The following TMEM164 variants were observed in gnomAD, a reference collection of about 807,000 sequenced individuals.
TMEM164 encodes the protein RP13-360B22.2.
A neutral mutation model predicts 18.8 loss-of-function variants in TMEM164; 4 were observed. That is an observed-to-expected ratio of 0.21 (90% CI 0.10 to 0.49). The LOEUF (loss-of-function observed/expected upper bound fraction) is 0.49, where lower values mean the gene tolerates loss of function less well. Among genes scored for constraint, TMEM164 ranks in the 20% least tolerant of loss-of-function variants. The pLI is 0.98. For synonymous variants in TMEM164, 86 were observed against 101.7 expected (o/e 0.85, Z 0.93); for missense variants, 108 against 239.9 (o/e 0.45, Z 3.63).
chrX:110,156,900 A>G (rs754372548), intron 5 of TMEM164, among the ~76,000 whole-genome samples: 11 of 111,882 alleles, frequency 9.8e-5, no homozygotes, highest in Non-Finnish European at 1.9e-4. Context: ...AGGTTTCAAC[A>G]TGAATCTGAG....
intron 4 of TMEM164, among the ~76,000 whole-genome samples, chrX:110,115,610 C>G (rs1308386127): frequency 8.9e-6 from 1 of 111,737 alleles, no homozygotes; most frequent in Non-Finnish European, 1.9e-5. Flanking sequence ...CAGCCTAGAT[C>G]ACACCAGTCA....
intron 2 of TMEM164, among the ~76,000 whole-genome samples, chrX:110,035,504 C>CTT (rs771787732): frequency 0.022 from 2,190 of 100,240 alleles, 67 homozygotes; most frequent in African/African-American, 0.075. Flanking sequence ...TAGCCATTTC[C>CTT]TTTTTTTTTT....
intron 3 of TMEM164, among the ~76,000 whole-genome samples, chrX:110,082,429 G>A (rs999367730): frequency 2.7e-5 from 3 of 111,637 alleles, no homozygotes; most frequent in African/African-American, 9.8e-5. Context: ...TGATGTGAAT[G>A]GTACTTTCCT....
rs2067238514 is a variant in TMEM164, at chrX:110,172,096, G to A, written c.687+576G>A. The stretch of plus-strand genomic sequence containing the variant: ...AGAGTGTATATCAGTGGCAAAATGA[G>A]TAGGAAGAGCTCAGGACTGGGGCTG... On this transcript the variant is annotated intron_variant, in intron 6 of 6. Coordinates refer to ENST00000372068, the MANE Select transcript of TMEM164 (RefSeq NM_032227.4). 7.1e-5 allele frequency among the ~76,000 whole-genome samples: 8 copies of A among 112,182 alleles called. No homozygotes were observed. The Admixed American group carries it at 7.5e-4, about 10-fold the overall frequency.
Position 110,004,006 on chromosome X carries a change from C to G in TMEM164, c.232C>G (p.Gln78Glu), listed in dbSNP as rs1210914759. ...GRGSPGSQPE[Q>E]VTQRPEEGKE... ...GGGTAGCCCTGGCAGCCAGCCAGAGCAGGTGACCCAGCGGCCAGAGGAAGG... is the reference window on the plus strand; with the variant it reads ...GGGTAGCCCTGGCAGCCAGCCAGAGGAGGTGACCCAGCGGCCAGAGGAAGG... The change falls in exon 2 of 7, where the codon CAG becomes GAG. Residue 78 changes from glutamine (Q) to glutamate (E), a missense_variant. Transcript: ENST00000372068. 8.3e-7 allele frequency: 1 copy of G among 1,209,482 alleles called. No homozygotes were observed. The highest frequency in any genetic ancestry group is 1.8e-5 in the African/African-American group (1 of 56,940).
chrX:110,055,251 C>G (rs1440201964), intron 2 of TMEM164: 1 of 367,053 alleles, frequency 2.7e-6, no homozygotes, highest in Non-Finnish European at 5.4e-6. Flanking sequence ...TTCTCAGCGA[C>G]AACATAGTGA....
intron 2 of TMEM164, chrX:110,046,057 C>T (rs1602525856): frequency 1.5e-5 from 11 of 754,321 alleles, no homozygotes; most frequent in African/African-American, 4.6e-5. Flanking sequence ...CCTTTACAAT[C>T]GACTTCTGGG....
At chrX:110,102,820 T>TCAA (rs2066131864) in intron 3 of TMEM164, among the ~76,000 whole-genome samples, 2 of 112,309 alleles carry the variant, frequency 1.8e-5, no homozygotes, top group Admixed American at 9.5e-5. Context: ...TAGACTTGAT[T>TCAA]CCAAACCCCC....
chrX:110,086,126 T>G (rs1173176061), intron 3 of TMEM164, among the ~76,000 whole-genome samples: 1 of 112,279 alleles, frequency 8.9e-6, no homozygotes, highest in Non-Finnish European at 1.9e-5. Context: ...TCCCAGATCC[T>G]GGTAATAAGT....
At chrX:110,071,759 G>C (rs937533626) in intron 3 of TMEM164, among the ~76,000 whole-genome samples, 1 of 106,872 alleles carries the variant, frequency 9.4e-6, no homozygotes, top group African/African-American at 3.4e-5. Context: ...AAATTAGCAG[G>C]GCATGGTGTT....
At position 110,091,464 on chromosome X, in the gene TMEM164, A is replaced by G. The variant is rs190935045; in HGVS notation, c.441-17616A>G. Among the ~76,000 whole-genome samples the G allele has an allele frequency of 7.3e-3, 824 of 112,135 alleles. 4 individuals are homozygous for G. The highest frequency in any genetic ancestry group is 0.037 in the Middle Eastern group (8 of 217). On this transcript the variant is annotated intron_variant, in intron 3 of 6. Transcript: ENST00000372068. ...TGCATTTCTCTGATGGCCAGGGATG[A>G]TGAGCATTTTTTCATGTGTCTTTTG...
At chrX:110,125,990 T>C (rs2066523173) in intron 4 of TMEM164, among the ~76,000 whole-genome samples, 1 of 112,246 alleles carries the variant, frequency 8.9e-6, no homozygotes, top group Non-Finnish European at 1.9e-5. Context: ...TTCTCAGGCA[T>C]TTCTGGGAAT....
intron 2 of TMEM164, among the ~76,000 whole-genome samples, chrX:110,023,960 A>G (rs1934054941): frequency 1.8e-5 from 2 of 112,284 alleles, no homozygotes; most frequent in Non-Finnish European, 1.9e-5. Context: ...AGTCACCTGC[A>G]TTTGTCAAGT....
At chrX:110,026,595 CCTTA>C (rs1934203752) in intron 2 of TMEM164, among the ~76,000 whole-genome samples, 1 of 111,531 alleles carries the variant, frequency 9.0e-6, no homozygotes, top group African/African-American at 3.3e-5. Context: ...TTTATTTTGC[CCTTA>C]CTTTGTGCCA....
intron 3 of TMEM164, among the ~76,000 whole-genome samples, chrX:110,081,412 T>G (rs1444995513): frequency 9.0e-6 from 1 of 111,529 alleles, no homozygotes; most frequent in African/African-American, 3.3e-5. Context: ...ATTATTTTAT[T>G]TAATCCTTCT....
At chrX:110,158,868 C>T (rs192959285) in intron 5 of TMEM164, among the ~76,000 whole-genome samples, 128 of 112,386 alleles carry the variant, frequency 1.1e-3, no homozygotes, top group African/African-American at 3.8e-3. Context: ...AGCTGTGTGA[C>T]TTTGGCCAAG....
intron 6 of TMEM164, 50 bp from the exon 7 acceptor site, chrX:110,173,195 A>G (rs1158618930): frequency 8.5e-7 from 1 of 1,169,833 alleles, no homozygotes; most frequent in African/African-American, 1.8e-5. Context: ...CAGAAGCCAG[A>G]GAAAGCCTAA....
In TMEM164 at chrX:110,131,418, A is replaced by G. The variant is rs181041400; in HGVS notation, c.508-13380A>G. ...AGGGTAACACAGACTACCTGTGCGG[A>G]TGAAGAACTGGGAGTTTAGTACCTT... is the stretch of plus-strand genomic sequence containing the variant. On this transcript the variant is annotated intron_variant, in intron 4 of 6. Transcript: ENST00000372068. 3.6e-5 allele frequency among the ~76,000 whole-genome samples: 4 copies of G among 111,738 alleles called. No homozygotes were observed. The East Asian group carries it at 8.4e-4, about 23-fold the overall frequency.
rs777686035 is a variant in TMEM164, at chrX:110,082,950, T to C, written c.440+15554T>C. The stretch of plus-strand genomic sequence containing the variant: ...TGTACAGGTGTTTCCCTTGTTGATT[T>C]GTATGAGTTTTACATATATAAAGAG... On this transcript the variant is annotated intron_variant, in intron 3 of 6. Transcript: ENST00000372068. 4.5e-5 allele frequency among the ~76,000 whole-genome samples: 5 copies of C among 112,086 alleles called. No homozygotes were observed. The East Asian group carries it at 1.4e-3, about 31-fold the overall frequency.
Sources: gnomAD v4.1 joint callset for allele counts (sites outside exome capture counted in the v4.1 genomes callset) on GRCh38, gnomAD v4.1.1 for gene constraint, MANE v1.5 for transcripts, NCBI Gene and HGNC (gene_info 2026-07-23, HGNC 2026-07-21) for gene names.